Variants in KIF23 observed in about 807,000 individuals in gnomAD.
The protein encoded by KIF23 is kinesin family member 23.
Under a neutral mutation model 137.5 loss-of-function variants are expected in KIF23, and 30 were observed. That is an observed-to-expected ratio of 0.22 (90% CI 0.16 to 0.30). The LOEUF is 0.30. Among genes scored for constraint, KIF23 ranks in the 10% least tolerant of loss-of-function variants. The pLI, the probability that KIF23 is intolerant of heterozygous loss-of-function variation, is 1.00. For missense variants in KIF23, 920 were observed against 1,194.3 expected (o/e 0.77, Z 3.38); for synonymous variants, 367 against 391.1 (o/e 0.94, Z 0.73).
intron 20 of KIF23, 63 bp from the exon 21 acceptor site, chr15:69,445,946 T>C (rs1359602528): frequency 5.4e-6 from 6 of 1,110,516 alleles, no homozygotes; most frequent in Admixed American, 1.9e-5. Flanking sequence ...GTTTGAAATA[T>C]ATATGTGTGT....
chr15:69,438,505 TAA>T (rs1467849699), intron 16 of KIF23, 100 bp downstream of exon 16: 12 of 1,162,752 alleles, frequency 1.0e-5, no homozygotes, highest in Non-Finnish European at 1.4e-5. Flanking sequence ...TGCTGCTTAT[TAA>T]GAGTTCTCGG....
chr15:69,440,152 G>C, intron 17 of KIF23, 75 bp downstream of exon 17: 1 of 1,530,976 alleles, frequency 6.5e-7, no homozygotes, highest in Non-Finnish European at 8.9e-7. Flanking sequence ...TCGATATTTT[G>C]AATTATTGTA....
At chr15:69,447,307 C>T (rs1039927055) in intron 23 of KIF23, among the ~76,000 whole-genome samples, 4 of 152,096 alleles carry the variant, frequency 2.6e-5, no homozygotes, top group African/African-American at 9.7e-5. Flanking sequence ...TCATTGTTTC[C>T]TGACTTGCTT....
chr15:69,419,524 G>C (rs1182936879), intron 3 of KIF23, among the ~76,000 whole-genome samples: 1 of 152,060 alleles, frequency 6.6e-6, no homozygotes, highest in Non-Finnish European at 1.5e-5. Context: ...TCTTAGCATG[G>C]GTCATCGTTG....
At chr15:69,436,813 G>C in intron 15 of KIF23, 91 bp downstream of exon 15, 1 of 800,542 alleles carries the variant, frequency 1.2e-6, no homozygotes, top group Middle Eastern at 4.0e-4. Flanking sequence ...GGAGTGCAGT[G>C]GCACAATCTC....
intron 23 of KIF23, 36 bp downstream of exon 23, chr15:69,446,977 C>T (rs1231297936): frequency 6.5e-7 from 1 of 1,537,056 alleles, no homozygotes; most frequent in East Asian, 2.2e-5. Flanking sequence ...TTGCTGTGTG[C>T]TTTTTTCCTC....
At chr15:69,415,892 A>G in intron 1 of KIF23, 102 bp from the exon 2 acceptor site, 1 of 818,960 alleles carries the variant, frequency 1.2e-6, no homozygotes, top group Non-Finnish European at 1.9e-6. Flanking sequence ...CTAAGGGATA[A>G]TTTACAGATA....
intron 23 of KIF23, among the ~76,000 whole-genome samples, 161 bp from the exon 24 acceptor site, chr15:69,447,631 C>T (rs2057769132): frequency 6.6e-6 from 1 of 152,016 alleles, no homozygotes; most frequent in Non-Finnish European, 1.5e-5. Flanking sequence ...AAATTTAATA[C>T]TAAGATAAGC....
chr15:69,446,235 CTT>C, intron 21 of KIF23, 46 bp from the exon 22 acceptor site: 1 of 1,551,076 alleles, frequency 6.4e-7, no homozygotes, highest in Non-Finnish European at 8.9e-7. Flanking sequence ...TATTTTTCCT[CTT>C]CTTAGATGGA....
rs760466708 is a variant in KIF23, at chr15:69,435,832, G to T, written c.1314+61G>T. 4.5e-6 allele frequency: 7 copies of T among 1,567,982 alleles called. No individual in the cohort carries two copies. The East Asian group carries it at 1.6e-4, about 35-fold the overall frequency. ...TTTTTGTCGGGAAAACAGTTACTTG[G>T]ATGAGCAGAATGACATTTTGAATAT... is the stretch of plus-strand genomic sequence containing the variant. On this transcript the variant is annotated intron_variant, in intron 13 of 23. Coordinates refer to ENST00000679126, the MANE Select transcript of KIF23 (RefSeq NM_001367805.3).
At position 69,440,810 on chromosome 15, in the gene KIF23, C is replaced by T. The variant is rs2057599183; in HGVS notation, c.2152C>T (p.Leu718Phe). ...TGCTCAGATTTCCAACGGCCAGCAA[C>T]TCATGAGCCAGCCACAGCTACATAG... is the stretch of plus-strand genomic sequence containing the variant. ...YIAQISNGQQ[L>F]MSQPQLHRRS... is the part of the protein sequence containing the mutation. Residue 718 changes from leucine to phenylalanine, a missense_variant, in exon 19 of 24, where the codon CTC becomes TTC. Physicochemically the swap from Leu to Phe is conservative, Grantham distance 22 (BLOSUM62 0). This residue lies in a region of KIF23 where 714 missense variants were observed against 866.2 expected (regional missense o/e 0.82). Coordinates refer to ENST00000679126, the MANE Select transcript of KIF23 (RefSeq NM_001367805.3). 2 of 1,613,004 alleles carry T rather than the reference C, an allele frequency of 1.2e-6. No homozygotes were observed. The highest frequency in any genetic ancestry group is 8.5e-7 in the Non-Finnish European group (1 of 1,179,994).
chr15:69,422,411 C>T lies in KIF23; in HGVS notation c.539C>T (p.Pro180Leu). 6.2e-7 allele frequency: 1 copy of T among 1,600,046 alleles called. No individual in the cohort carries two copies. The highest frequency in any genetic ancestry group is 8.6e-7 in the Non-Finnish European group (1 of 1,167,500). Residue 180 changes from proline to leucine, a missense_variant, in exon 6 of 24, where the codon CCC (proline) becomes CTC (leucine). Physicochemically the swap from Pro to Leu is moderately conservative, Grantham distance 98. Around this residue, in one of 4 missense-constraint regions of KIF23, gnomAD observed 714 missense variants for 866.2 expected, o/e 0.82. Coordinates refer to ENST00000679126, the MANE Select transcript of KIF23 (RefSeq NM_001367805.3). The stretch of plus-strand genomic sequence containing the variant: ...GAACGTCAGAAAAGAGAAGCTATGC[C>T]CAATCCAAAGACTTCTTCTAGCAAG... ...LLERQKREAM[P>L]NPKTSSSKRQ...
At chr15:69,427,630 G>A in intron 10 of KIF23, 1 of 349,894 alleles carries the variant, frequency 2.9e-6, no homozygotes, top group Non-Finnish European at 5.6e-6. Flanking sequence ...TCCCCCATAT[G>A]CAGATCACTA....
At chr15:69,417,559 T>G in intron 3 of KIF23, 48 bp downstream of exon 3, 1 of 1,573,328 alleles carries the variant, frequency 6.4e-7, no homozygotes, top group Non-Finnish European at 8.6e-7. Flanking sequence ...TGTTGTTTCC[T>G]GAATGACTTC....
At position 69,416,561 on chromosome 15, in the gene KIF23, C is replaced by T. The variant is rs944375068; in HGVS notation, c.81+498C>T. 4.6e-5 allele frequency among the ~76,000 whole-genome samples: 7 copies of T among 152,216 alleles called. 1 individual carries two copies. The highest frequency in any genetic ancestry group is 3.3e-4 in the Admixed American group (5 of 15,280). On this transcript the variant is annotated intron_variant, in intron 2 of 23. Coordinates refer to ENST00000679126, the MANE Select transcript of KIF23 (RefSeq NM_001367805.3). ...TCTGAGGTATTTTAAATCTATCCCT[C>T]GTTGCCACTGGAGTGGGTCCCTGGC...
rs765533719 is a variant in KIF23, at chr15:69,426,145, G to A, written c.852G>A (p.Val284=). The change falls in exon 9 of 24, where the codon GTG becomes GTA. Residue 284 remains valine (V), a synonymous_variant. Transcript: ENST00000679126. ...TTGCAGGATGTACAGAAGTTGAAGTGAAATCTACTGAGGAGGCTTTTGAAG... is the reference window on the plus strand; with the variant it reads ...TTGCAGGATGTACAGAAGTTGAAGTAAAATCTACTGAGGAGGCTTTTGAAG... ...MYVAGCTEVE[V]KSTEEAFEVF... is the part of the protein sequence containing the mutation. 1.2e-6 allele frequency: 2 copies of A among 1,608,596 alleles called. No individual in the cohort carries two copies. The highest frequency in any genetic ancestry group is 1.7e-5 in the Admixed American group (1 of 58,006).
In KIF23 at chr15:69,444,929, A is replaced by G. The variant is rs756818257; in HGVS notation, c.2561A>G (p.His854Arg). 1 of 1,614,106 alleles carries G rather than the reference A, an allele frequency of 6.2e-7. No individual in the cohort carries two copies. Among genetic ancestry groups the G allele is most frequent in the African/African-American group, 1.3e-5 (1 of 74,944 alleles). ...ACAGTCATGCAGCCACATGTCCCTC[A>G]TGCCATCACAGTATCTGTTGCAAAT... ...TETVMQPHVP[H>R]AITVSVANEK... The change falls in exon 20 of 24, where the codon CAT becomes CGT. Residue 854 changes from histidine (H) to arginine (R), a missense_variant. Physicochemically the swap from His to Arg is conservative, Grantham distance 29. This residue lies in a region of KIF23 where 75 missense variants were observed against 177.9 expected (regional missense o/e 0.42). Transcript: ENST00000679126. This position sits in a 1 kb window ranked among gnomAD's most constrained non-coding sequence, Gnocchi z 4.2.
chr15:69,427,347 CTT>C (rs748486386), intron 10 of KIF23: 6 of 454,420 alleles, frequency 1.3e-5, no homozygotes, highest in African/African-American at 1.2e-4. Flanking sequence ...GACATTAAAA[CTT>C]TTTTTTCCCC....
rs1434655960 is a variant in KIF23 at position 69,440,711 on chromosome 15, GAATT to G, written c.2110-56_2110-53del. 2.1e-6 allele frequency: 3 copies of G among 1,403,920 alleles called. No individual in the cohort carries two copies. The East Asian group carries it at 6.9e-5, about 32-fold the overall frequency. 87.0% of individuals were successfully genotyped at this position (1,403,920 alleles called of 1,614,324 possible). A position where few individuals can be genotyped will look rare whatever the true frequency, so the allele number is the denominator to read the frequency against. ...TGTGCTAACATTATAGAAAAGTAAT[GAATT>G]GTTTCTCTCAGTTTTTCAGTCTTGC... On this transcript the variant is annotated intron_variant, in intron 18 of 23. Transcript: ENST00000679126.
Sources: gnomAD v4.1 joint callset for allele counts (sites outside exome capture counted in the v4.1 genomes callset) on GRCh38, gnomAD v4.1.1 for gene constraint, gnomAD v4.1.1 regional missense constraint, Gnocchi (gnomAD v3.1) non-coding constraint, MANE v1.5 for transcripts, NCBI Gene and HGNC (gene_info 2026-07-23, HGNC 2026-07-21) for gene names.